Variants in SMAP1 observed in about 807,000 individuals in gnomAD.
SMAP1 encodes the protein small ArfGAP 1.
In SMAP1, 24 loss-of-function variants were observed where a neutral mutation model predicts 58.5. The ratio of observed to expected loss-of-function variants is 0.41; its 90% CI spans 0.30 to 0.58. The LOEUF is 0.58. Among genes scored for constraint, SMAP1 ranks in the 20% least tolerant of loss-of-function variants. SMAP1 has a pLI of 0.29. For synonymous variants in SMAP1, 216 were observed against 196.6 expected, an observed-to-expected ratio of 1.10 and a Z score of -0.82; for missense variants, 563 against 566.3, an observed-to-expected ratio of 0.99 and a Z score of 0.06.
At chr6:70,732,570 A>G (rs1765472138) in intron 2 of SMAP1, 59 bp downstream of exon 2, 12 of 1,369,668 alleles carry the variant, frequency 8.8e-6, no homozygotes, top group Non-Finnish European at 1.1e-5. Context: ...AAAAATATTT[A>G]ACCCTTCTTG....
At chr6:70,830,094 T>C (rs1471114095) in intron 6 of SMAP1, among the ~76,000 whole-genome samples, 1 of 152,242 alleles carries the variant, frequency 6.6e-6, no homozygotes, top group East Asian at 1.9e-4. Flanking sequence ...AAAATTGCTT[T>C]ATCTAAGTAG....
chr6:70,692,227 A>G (rs1312191044), intron 1 of SMAP1, among the ~76,000 whole-genome samples: 2 of 152,168 alleles, frequency 1.3e-5, no homozygotes, highest in African/African-American at 2.4e-5. Context: ...TGCCATTTGT[A>G]TGTCTTCTTT....
At chr6:70,777,459 TA>T (rs1401372232) in intron 4 of SMAP1, among the ~76,000 whole-genome samples, 2 of 152,202 alleles carry the variant, frequency 1.3e-5, no homozygotes, top group East Asian at 1.9e-4. Flanking sequence ...TTTTTATTAT[TA>T]TTTTTTGCTG....
At chr6:70,758,054 T>C (rs1050110802) in intron 3 of SMAP1, among the ~76,000 whole-genome samples, 1 of 151,986 alleles carries the variant, frequency 6.6e-6, no homozygotes, top group African/African-American at 2.4e-5. Flanking sequence ...CTTGCTGCTA[T>C]AAAGACACAT....
intron 2 of SMAP1, among the ~76,000 whole-genome samples, chr6:70,746,680 G>T (rs1379140698): frequency 6.6e-6 from 1 of 152,132 alleles, no homozygotes; most frequent in African/African-American, 2.4e-5. Context: ...GATGATGTTG[G>T]CCTGGTAAAA....
intron 7 of SMAP1, among the ~76,000 whole-genome samples, chr6:70,852,307 G>T (rs1221319366): frequency 6.6e-6 from 1 of 152,104 alleles, no homozygotes; most frequent in Non-Finnish European, 1.5e-5. Flanking sequence ...TAAAAAGGAG[G>T]TTTGGATATA....
rs535051074 is a variant in SMAP1 at position 70,671,587 on chromosome 6, C to G, written c.118+3446C>G. Among the ~76,000 whole-genome samples, 145 of 152,122 alleles carry G rather than the reference C, an allele frequency of 9.5e-4. 1 individual carries two copies. The highest frequency in any genetic ancestry group is 3.1e-3 in the African/African-American group (129 of 41,532). ...AACAAGACTCCGTCTCAGGGAAAAA[C>G]AAAAACAAAAACAAAACATATAGAT... On this transcript the variant is annotated intron_variant, in intron 1 of 10. Transcript: ENST00000370455.
rs966902868 is a variant in SMAP1 at position 70,668,721 on chromosome 6, G to T, written c.118+580G>T. The T allele has an allele frequency of 2.6e-6, 4 of 1,535,946 alleles. No individual in the cohort carries two copies. The African/African-American group carries it at 5.5e-5, about 21-fold the overall frequency. On this transcript the variant is annotated intron_variant, in intron 1 of 10. Transcript: ENST00000370455. The stretch of plus-strand genomic sequence containing the variant: ...AGAGTATGGTGGTCTTTTTCGGTGG[G>T]TTTGAGTTTTACGGAATAAATTAAT...
At chr6:70,768,171 T>C (rs1767088414) in intron 3 of SMAP1, among the ~76,000 whole-genome samples, 1 of 152,238 alleles carries the variant, frequency 6.6e-6, no homozygotes, top group Admixed American at 6.5e-5. Flanking sequence ...ACTGAGGATT[T>C]TTGCATCAAT....
At chr6:70,766,277 G>A (rs1766982101) in intron 3 of SMAP1, among the ~76,000 whole-genome samples, 1 of 152,080 alleles carries the variant, frequency 6.6e-6, no homozygotes, top group African/African-American at 2.4e-5. Context: ...GGGATGGCTG[G>A]GTCAAATGGT....
chr6:70,686,762 G>A (rs1445294345), intron 1 of SMAP1, among the ~76,000 whole-genome samples: 1 of 152,094 alleles, frequency 6.6e-6, no homozygotes, highest in East Asian at 1.9e-4. Context: ...TTATTGCTGT[G>A]AATTTAACAG....
intron 1 of SMAP1, among the ~76,000 whole-genome samples, chr6:70,679,293 A>G (rs1084390): frequency 0.43 from 66,074 of 151,970 alleles, 14,730 homozygotes; most frequent in South Asian, 0.5. Flanking sequence ...TGCTGGGATT[A>G]CAGGCTTGAG....
chr6:70,757,847 A>G (rs1471409155), intron 3 of SMAP1, among the ~76,000 whole-genome samples: 1 of 152,066 alleles, frequency 6.6e-6, no homozygotes, highest in Non-Finnish European at 1.5e-5. Flanking sequence ...TTAGAATGGC[A>G]ATCATTAAAA....
chr6:70,722,216 G>A (rs1471307501), intron 1 of SMAP1, among the ~76,000 whole-genome samples: 2 of 152,122 alleles, frequency 1.3e-5, no homozygotes, highest in Non-Finnish European at 2.9e-5. Context: ...ATAATTAATG[G>A]CCATCAGCCT....
intron 2 of SMAP1, among the ~76,000 whole-genome samples, chr6:70,748,489 A>G (rs1434298236): frequency 6.6e-6 from 1 of 152,152 alleles, no homozygotes; most frequent in Non-Finnish European, 1.5e-5. Flanking sequence ...TGCCATATTT[A>G]TGCTTTGAAT....
At chr6:70,745,012 AT>A in intron 2 of SMAP1, among the ~76,000 whole-genome samples, 1 of 152,144 alleles carries the variant, frequency 6.6e-6, no homozygotes. Flanking sequence ...CCACTTTTTG[AT>A]GGGGTTGTTT....
At chr6:70,819,388 C>G (rs1769789170) in intron 6 of SMAP1, among the ~76,000 whole-genome samples, 1 of 150,258 alleles carries the variant, frequency 6.7e-6, no homozygotes, top group Admixed American at 6.6e-5. Flanking sequence ...TATTTTAAAT[C>G]TAGAATAAAT....
At chr6:70,835,713 C>T (rs562702946) in intron 6 of SMAP1, among the ~76,000 whole-genome samples, 96 of 152,150 alleles carry the variant, frequency 6.3e-4, no homozygotes, top group Non-Finnish European at 1.1e-3. Context: ...TGCTATGTTG[C>T]GCAGGCTGGT....
At chr6:70,721,808 G>T (rs1453173407) in intron 1 of SMAP1, among the ~76,000 whole-genome samples, 1 of 152,112 alleles carries the variant, frequency 6.6e-6, no homozygotes, top group East Asian at 1.9e-4. Context: ...GCAAAAGTGG[G>T]AACCCCTGAT....
Sources: gnomAD v4.1 joint callset for allele counts (sites outside exome capture counted in the v4.1 genomes callset) on GRCh38, gnomAD v4.1.1 for gene constraint, MANE v1.5 for transcripts, NCBI Gene and HGNC (gene_info 2026-07-23, HGNC 2026-07-21) for gene names.